The following LSAMP variants were observed in gnomAD, a reference collection of about 807,000 sequenced individuals.
LSAMP encodes limbic system-associated membrane protein.
In LSAMP, 7 loss-of-function variants were observed where a neutral mutation model predicts 38.6. The observed-to-expected ratio is 0.18, with a 90% CI of 0.10 to 0.34. LSAMP has a LOEUF of 0.34. Among genes scored for constraint, LSAMP ranks in the 10% least tolerant of loss-of-function variants. The pLI is 1.00. For missense variants in LSAMP, 313 were observed against 420.0 expected (o/e 0.75, Z 2.23); for synonymous variants, 154 against 166.8 (o/e 0.92, Z 0.59).
Position 116,104,909 on chromosome 3 carries a change from A to G in LSAMP, c.156-18353T>C, listed in dbSNP as rs115169878. Among the ~76,000 whole-genome samples, 867 of 152,254 alleles carry G rather than the reference A, an allele frequency of 5.7e-3. 8 individuals carry two copies. The highest frequency in any genetic ancestry group is 0.019 in the African/African-American group (791 of 41,534). On this transcript the variant is annotated intron_variant, in intron 1 of 6. Transcript: ENST00000490035. ...GAATTTTTCTAGACTTATCACACACACTTTTACCTGTCATCCTCATAAAAC... is the reference window on the plus strand; with the variant it reads ...GAATTTTTCTAGACTTATCACACACGCTTTTACCTGTCATCCTCATAAAAC...
intron 3 of LSAMP, among the ~76,000 whole-genome samples, chr3:115,917,593 A>G (rs1242014567): frequency 1.3e-5 from 2 of 151,702 alleles, no homozygotes; most frequent in Non-Finnish European, 2.9e-5. Context: ...TTTCCAATTT[A>G]TTCCATCCCT....
intron 1 of LSAMP, among the ~76,000 whole-genome samples, chr3:116,094,483 G>A (rs1420285284): frequency 1.3e-5 from 2 of 152,184 alleles, no homozygotes; most frequent in Admixed American, 1.3e-4. Flanking sequence ...TTGTAGACCA[G>A]TTAACACTAT....
intron 6 of LSAMP, among the ~76,000 whole-genome samples, chr3:115,834,190 T>G (rs764643932): frequency 6.6e-5 from 10 of 152,124 alleles, no homozygotes; most frequent in East Asian, 1.9e-4. Flanking sequence ...AACTTCCAAC[T>G]GTGAGGGTAG....
chr3:115,978,693 G>GAA (rs371411274), intron 3 of LSAMP, among the ~76,000 whole-genome samples: 1 of 141,068 alleles, frequency 7.1e-6, no homozygotes, highest in African/African-American at 2.6e-5. Flanking sequence ...AAGAATCAAT[G>GAA]AAAAAAAAAA....
At chr3:116,041,799 AAAAAAACAAAAC>A in intron 2 of LSAMP, among the ~76,000 whole-genome samples, 1 of 149,842 alleles carries the variant, frequency 6.7e-6, no homozygotes, top group Non-Finnish European at 1.5e-5. Flanking sequence ...AAGCATGCAA[AAAAAAACAAAAC>A]AAAACAAAAA....
intron 3 of LSAMP, among the ~76,000 whole-genome samples, chr3:115,917,048 C>T (rs1004982482): frequency 2.0e-4 from 30 of 152,128 alleles, no homozygotes; most frequent in African/African-American, 6.3e-4. Context: ...GGAACAAGGG[C>T]CTCTGCTAAT....
At chr3:115,811,806 A>G (rs1257148564) in intron 6 of LSAMP, among the ~76,000 whole-genome samples, 1 of 152,214 alleles carries the variant, frequency 6.6e-6, no homozygotes, top group Admixed American at 6.5e-5. Flanking sequence ...TTTTGTCACA[A>G]CTGCCTTATA....
chr3:116,074,656 T>G (rs1381961952), intron 2 of LSAMP, among the ~76,000 whole-genome samples: 1 of 152,180 alleles, frequency 6.6e-6, no homozygotes, highest in Admixed American at 6.5e-5. Context: ...CAACTCTGGC[T>G]ATCCTCATTT....
At chr3:116,427,734 T>C (rs985233591) in intron 1 of LSAMP, among the ~76,000 whole-genome samples, 6 of 152,116 alleles carry the variant, frequency 3.9e-5, no homozygotes, top group African/African-American at 1.4e-4. Context: ...TCCCTGTAAA[T>C]CCACTTCTGT....
At chr3:115,834,455 G>A (rs1029582697) in intron 6 of LSAMP, 12 of 839,350 alleles carry the variant, frequency 1.4e-5, no homozygotes, top group South Asian at 1.1e-4. Flanking sequence ...GATTTATATT[G>A]TATGTGAATT....
chr3:115,851,155 G>A (rs1416231909), intron 4 of LSAMP, among the ~76,000 whole-genome samples: 1 of 152,070 alleles, frequency 6.6e-6, no homozygotes, highest in Non-Finnish European at 1.5e-5. Flanking sequence ...TGTATTTTTA[G>A]TAGAGACAGG....
At chr3:116,009,958 C>T (rs992986862) in intron 3 of LSAMP, among the ~76,000 whole-genome samples, 2 of 152,072 alleles carry the variant, frequency 1.3e-5, no homozygotes, top group African/African-American at 4.8e-5. Context: ...ACTCTGCCAC[C>T]CAGGCTGGAG....
intron 1 of LSAMP, among the ~76,000 whole-genome samples, chr3:116,172,729 C>A (rs1268119939): frequency 1.3e-5 from 2 of 151,898 alleles, no homozygotes; most frequent in Non-Finnish European, 2.9e-5. Context: ...CACCTAATTT[C>A]TCTCAATTCT....
chr3:116,146,773 G>C (rs1356086419), intron 1 of LSAMP, among the ~76,000 whole-genome samples: 1 of 151,804 alleles, frequency 6.6e-6, no homozygotes, highest in Non-Finnish European at 1.5e-5. Flanking sequence ...TGTTCTGTGT[G>C]GTTCAAGGAA....
At chr3:115,829,013 T>TA (rs1934521063) in intron 6 of LSAMP, among the ~76,000 whole-genome samples, 1 of 152,190 alleles carries the variant, frequency 6.6e-6, no homozygotes, top group African/African-American at 2.4e-5. Context: ...ATCTTTAAAT[T>TA]GACTCTGTAG....
At chr3:116,249,826 T>C (rs1370108647) in intron 1 of LSAMP, among the ~76,000 whole-genome samples, 2 of 152,246 alleles carry the variant, frequency 1.3e-5, no homozygotes, top group Middle Eastern at 3.4e-3. Flanking sequence ...CTTTAGCATA[T>C]GTTTATTATT....
At chr3:116,213,061 G>T (rs986869752) in intron 1 of LSAMP, among the ~76,000 whole-genome samples, 3 of 152,158 alleles carry the variant, frequency 2.0e-5, no homozygotes, top group African/African-American at 7.2e-5. Flanking sequence ...CACTGTCCAT[G>T]ACCAATTTTG....
intron 1 of LSAMP, among the ~76,000 whole-genome samples, chr3:116,309,547 C>T (rs2047528701): frequency 6.6e-6 from 1 of 151,972 alleles, no homozygotes; most frequent in Non-Finnish European, 1.5e-5. Flanking sequence ...CTAACCAGTC[C>T]CTGTACTCAA....
Position 115,808,336 on chromosome 3 carries a change from T to C in LSAMP, c.*1981A>G, listed in dbSNP as rs935334741. On this transcript the variant is annotated 3_prime_UTR_variant, in exon 7 of 7. Coordinates refer to ENST00000490035, the MANE Select transcript of LSAMP (RefSeq NM_002338.5). ...CAAATATAATCTCAAAATAATTCTCTGTCCTCTCATGAACTGAACCACTTT... is the reference window on the plus strand; with the variant it reads ...CAAATATAATCTCAAAATAATTCTCCGTCCTCTCATGAACTGAACCACTTT... The C allele has an allele frequency of 1.3e-5, 2 of 152,030 alleles. No individual in the cohort carries two copies. Among genetic ancestry groups the C allele is most frequent in the African/African-American group, 2.4e-5 (1 of 41,364 alleles). 9.4% of individuals were successfully genotyped at this position (152,030 alleles called of 1,614,324 possible).
Sources: gnomAD v4.1 joint callset for allele counts (sites outside exome capture counted in the v4.1 genomes callset) on GRCh38, gnomAD v4.1.1 for gene constraint, MANE v1.5 for transcripts, NCBI Gene and HGNC (gene_info 2026-07-23, HGNC 2026-07-21) for gene names.